PHF14: variants seen among roughly 807,000 people sequenced by gnomAD.
The protein encoded by PHF14 is PHD finger protein 14.
Under a neutral mutation model 117.9 loss-of-function variants are expected in PHF14, and 55 were observed. The observed-to-expected ratio is 0.47, with a 90% CI of 0.38 to 0.58. PHF14 has a LOEUF of 0.58. Among genes scored for constraint, PHF14 ranks in the 20% least tolerant of loss-of-function variants. The probability of loss-of-function intolerance (pLI) is 0.00; values close to 1 mark genes in which losing one functional copy is unlikely to be tolerated. For missense variants in PHF14, 978 were observed against 1,122.2 expected (o/e 0.87, Z 1.84); for synonymous variants, 409 against 368.6 (o/e 1.11, Z -1.26).
intron 16 of PHF14, among the ~76,000 whole-genome samples, chr7:11,082,964 A>G (rs762760438): frequency 2.0e-5 from 3 of 152,150 alleles, no homozygotes; most frequent in Non-Finnish European, 4.4e-5. Flanking sequence ...GCTTATCAGT[A>G]CCAGCTCACA....
intron 16 of PHF14, among the ~76,000 whole-genome samples, chr7:11,088,203 A>G (rs1243823526): frequency 1.3e-5 from 2 of 152,142 alleles, no homozygotes; most frequent in Non-Finnish European, 2.9e-5. Flanking sequence ...TTATTATAAT[A>G]CCTAATACAA....
intron 17 of PHF14, among the ~76,000 whole-genome samples, chr7:11,115,314 C>T (rs1562473469): frequency 6.6e-6 from 1 of 151,950 alleles, no homozygotes; most frequent in Non-Finnish European, 1.5e-5. Flanking sequence ...TACTAGAGCC[C>T]TCTAAATGAA....
At chr7:11,109,021 C>G (rs1287418303) in intron 16 of PHF14, 1 of 151,822 alleles carries the variant, frequency 6.6e-6, no homozygotes, top group East Asian at 1.9e-4. Context: ...CTCTGGCGCA[C>G]TACCCAAAAA....
At chr7:11,089,982 G>T (rs1231278071) in intron 16 of PHF14, among the ~76,000 whole-genome samples, 1 of 152,120 alleles carries the variant, frequency 6.6e-6, no homozygotes, top group East Asian at 1.9e-4. Flanking sequence ...TGTTGGTCAG[G>T]CTGGTCTCGA....
intron 17 of PHF14, among the ~76,000 whole-genome samples, chr7:11,154,640 GAGAA>G (rs1389187186): frequency 2.2e-4 from 34 of 152,220 alleles, no homozygotes. Flanking sequence ...TTTATTCAGA[GAGAA>G]AGAGCATTAA....
chr7:11,149,175 A>G (rs1034670512), intron 17 of PHF14, among the ~76,000 whole-genome samples: 1 of 144,862 alleles, frequency 6.9e-6, no homozygotes, highest in Non-Finnish European at 1.5e-5. Context: ...GCTCATGTAG[A>G]TGTTTTAGGT....
chr7:11,038,589 C>CGG (rs1784392052), intron 10 of PHF14, among the ~76,000 whole-genome samples, 171 bp from the exon 11 acceptor site: 1 of 150,398 alleles, frequency 6.6e-6, no homozygotes, highest in African/African-American at 2.5e-5. Context: ...ACCCCAGAGG[C>CGG]GGAGGTTGTA....
chr7:11,043,153 G>T (rs903571100), intron 13 of PHF14, among the ~76,000 whole-genome samples: 6 of 151,812 alleles, frequency 4.0e-5, no homozygotes, highest in African/African-American at 1.4e-4. Context: ...ATCATATTAT[G>T]CTTTTACTTG....
Position 11,057,014 on chromosome 7 carries a change from T to A in PHF14, c.2482-4777T>A, listed in dbSNP as rs530228937. Among the ~76,000 whole-genome samples the A allele has an allele frequency of 1.6e-4, 24 of 152,144 alleles. No homozygotes were observed. The East Asian group carries it at 2.1e-3, about 13-fold the overall frequency. ...TGAATAAGCATGTTCTATTTTTACA[T>A]ATAAGTTGCAGAGGGAAGCATTTCT... is the stretch of plus-strand genomic sequence containing the variant. On this transcript the variant is annotated intron_variant, in intron 14 of 17. Transcript: ENST00000634607.
At chr7:11,142,664 G>A (rs997851728) in intron 17 of PHF14, among the ~76,000 whole-genome samples, 3 of 152,008 alleles carry the variant, frequency 2.0e-5, no homozygotes, top group Admixed American at 6.6e-5. Flanking sequence ...GTATAAAGAA[G>A]ATCCTGTTAG....
intron 16 of PHF14, among the ~76,000 whole-genome samples, chr7:11,074,465 C>T (rs141596015): frequency 1.1e-3 from 170 of 152,278 alleles, no homozygotes; most frequent in African/African-American, 3.8e-3. Context: ...CTGCTTCAGC[C>T]TCCCAAAGTG....
chr7:11,090,732 A>C (rs1298831527), intron 16 of PHF14, among the ~76,000 whole-genome samples: 1 of 152,214 alleles, frequency 6.6e-6, no homozygotes, highest in African/African-American at 2.4e-5. Flanking sequence ...AGATACTGAA[A>C]GGCATTCACT....
chr7:11,037,670 T>A (rs1784357808), intron 10 of PHF14, among the ~76,000 whole-genome samples: 1 of 152,194 alleles, frequency 6.6e-6, no homozygotes, highest in Non-Finnish European at 1.5e-5. Flanking sequence ...AAGTATCTTA[T>A]AAAAGCAAAA....
chr7:11,090,146 T>G lies in PHF14; in HGVS notation c.2655-21204T>G, dbSNP rs999310310. 2.0e-5 allele frequency among the ~76,000 whole-genome samples: 3 copies of G among 152,240 alleles called. No individual in the cohort carries two copies. In the East Asian group the frequency reaches 5.8e-4, roughly 29 times the overall value. On this transcript the variant is annotated intron_variant, in intron 16 of 17. Coordinates refer to ENST00000634607, the MANE Select transcript of PHF14 (RefSeq NM_001007157.2). ...ATTATGCATGAAGCCTCAAGTGTGA[T>G]TTAATTCATAAATAGGCAACCAGTT... is the stretch of plus-strand genomic sequence containing the variant.
intron 17 of PHF14, among the ~76,000 whole-genome samples, chr7:11,153,860 C>T (rs747789848): frequency 9.2e-5 from 14 of 152,092 alleles, no homozygotes; most frequent in Admixed American, 4.6e-4. Flanking sequence ...CCCATGGCCA[C>T]AAGATGGCTA....
chr7:10,998,489 A>G (rs1367282473), intron 4 of PHF14, among the ~76,000 whole-genome samples: 1 of 152,164 alleles, frequency 6.6e-6, no homozygotes, highest in Non-Finnish European at 1.5e-5. Context: ...ACCACTTGAT[A>G]TTAGTGGTAA....
rs1422354085 is a variant in PHF14, at chr7:11,139,143, A to G, written c.2772+27676A>G. ...TCACTGAAATTGGCAGTAGAAAGCA[A>G]TTTTGAGTAATTTAACACAAAATTT... On this transcript the variant is annotated intron_variant, in intron 17 of 17. Transcript: ENST00000634607. 3.9e-5 allele frequency among the ~76,000 whole-genome samples: 6 copies of G among 152,168 alleles called. 1 individual carries two copies. Among genetic ancestry groups the G allele is most frequent in the Admixed American group, 3.9e-4 (6 of 15,280 alleles).
intron 16 of PHF14, among the ~76,000 whole-genome samples, chr7:11,094,500 C>T (rs1203034444): frequency 6.6e-6 from 1 of 152,142 alleles, no homozygotes. Context: ...GTGATTATAT[C>T]AGGCCCCTCT....
chr7:11,079,828 G>A (rs116947933), intron 16 of PHF14, among the ~76,000 whole-genome samples: 3,399 of 151,236 alleles, frequency 0.022, 54 homozygotes, highest in Non-Finnish European at 0.035. Flanking sequence ...CTTCATTGTC[G>A]TCATCCTGTT....
Sources: gnomAD v4.1 joint callset for allele counts (sites outside exome capture counted in the v4.1 genomes callset) on GRCh38, gnomAD v4.1.1 for gene constraint, MANE v1.5 for transcripts, NCBI Gene and HGNC (gene_info 2026-07-23, HGNC 2026-07-21) for gene names.